The following FLRT2 variants were observed in gnomAD, a reference collection of about 807,000 sequenced individuals.
FLRT2 encodes fibronectin leucine rich transmembrane protein 2, also known as leucine-rich repeat transmembrane protein FLRT2.
Under a neutral mutation model 40.0 loss-of-function variants are expected in FLRT2, and 15 were observed. The ratio of observed to expected loss-of-function variants is 0.38; its 90% CI spans 0.25 to 0.58. The LOEUF (loss-of-function observed/expected upper bound fraction) is 0.58. Among genes scored for constraint, FLRT2 ranks in the 20% least tolerant of loss-of-function variants. The pLI is 0.71. For synonymous variants in FLRT2, 380 were observed against 336.8 expected (o/e 1.13, Z -1.41); for missense variants, 726 against 840.0 (o/e 0.86, Z 1.68).
intron 1 of FLRT2, among the ~76,000 whole-genome samples, chr14:85,531,950 G>C (rs1888311517): frequency 6.6e-6 from 1 of 152,222 alleles, no homozygotes; most frequent in African/African-American, 2.4e-5. Context: ...GCGTGGCTTG[G>C]GAGGCAAATC....
At chr14:85,531,831 C>G (rs1166837690) in intron 1 of FLRT2, among the ~76,000 whole-genome samples, 1 of 152,172 alleles carries the variant, frequency 6.6e-6, no homozygotes, top group Non-Finnish European at 1.5e-5. Context: ...GCAACAGGAA[C>G]AGCGACCCGC....
chr14:85,562,399 A>G (rs929924787), intron 1 of FLRT2, among the ~76,000 whole-genome samples: 5 of 152,190 alleles, frequency 3.3e-5, no homozygotes, highest in Non-Finnish European at 5.9e-5. Flanking sequence ...CCGTGTTTCA[A>G]TGCAATCTCT....
chr14:85,623,283 A>T lies in FLRT2; in HGVS notation c.1769A>T (p.Glu590Val). 6.6e-7 allele frequency: 1 copy of T among 1,517,334 alleles called. No individual in the cohort carries two copies. The highest frequency in any genetic ancestry group is 1.3e-5 in the South Asian group (1 of 74,868). The allele number at this position is 1,517,334 out of a possible 1,614,324, so 94.0% of individuals were successfully genotyped here. Residue 590 changes from glutamate to valine, a missense_variant, in exon 2 of 2, where the codon GAG becomes GTG. By Grantham distance (121) the Glu-to-Val change is moderately radical. Around this residue, in one of 3 missense-constraint regions of FLRT2, gnomAD observed 611 missense variants for 690.0 expected, o/e 0.89. Transcript: ENST00000330753. The stretch of plus-strand genomic sequence containing the variant: ...GGCCGGCGGAAAGATGATTATTGCG[A>T]GGCAGGCACCAAGAAGGACAACTCC... ...NRGRRKDDYC[E>V]AGTKKDNSIL...
chr14:85,537,407 CTAT>C (rs1409456562), intron 1 of FLRT2, among the ~76,000 whole-genome samples: 1 of 151,970 alleles, frequency 6.6e-6, no homozygotes, highest in East Asian at 1.9e-4. Context: ...TTAAGACTAG[CTAT>C]TATTATTATT....
At position 85,645,316 on chromosome 14, in the gene FLRT2, A is replaced by G. The variant is rs1418038754; in HGVS notation, c.*21819A>G. On this transcript the variant is annotated 3_prime_UTR_variant, in exon 2 of 2. Transcript: ENST00000330753. ...TATGTATATAGAAGTATATATACACATATAAATGTGTGCGTGTATATATAT... is the reference window on the plus strand; with the variant it reads ...TATGTATATAGAAGTATATATACACGTATAAATGTGTGCGTGTATATATAT... 6.6e-6 allele frequency: 1 copy of G among 151,770 alleles called. No individual in the cohort carries two copies. The allele number at this position is 151,770 out of a possible 1,614,324, so 9.4% of individuals were successfully genotyped here.
chr14:85,567,202 A>G (rs970853540), intron 1 of FLRT2, among the ~76,000 whole-genome samples: 1 of 152,162 alleles, frequency 6.6e-6, no homozygotes, highest in Non-Finnish European at 1.5e-5. Context: ...CACATTTGAC[A>G]TGTCCCCCTC....
At chr14:85,618,645 A>C (rs893477090) in intron 1 of FLRT2, among the ~76,000 whole-genome samples, 1 of 152,226 alleles carries the variant, frequency 6.6e-6, no homozygotes, top group Non-Finnish European at 1.5e-5. Context: ...TCCCGGGGAC[A>C]AAAGTGATTA....
intron 1 of FLRT2, among the ~76,000 whole-genome samples, chr14:85,611,984 G>A (rs1408591712): frequency 7.4e-6 from 1 of 134,410 alleles, no homozygotes; most frequent in Non-Finnish European, 1.5e-5. Flanking sequence ...CCTTTCAGCT[G>A]TGTTGCCTCC....
intron 1 of FLRT2, among the ~76,000 whole-genome samples, chr14:85,556,755 A>C (rs1046896364): frequency 6.6e-6 from 1 of 152,234 alleles, no homozygotes; most frequent in Admixed American, 6.5e-5. Flanking sequence ...TATACACAAT[A>C]AGTATTAACT....
At chr14:85,565,942 T>C (rs1370329554) in intron 1 of FLRT2, among the ~76,000 whole-genome samples, 1 of 152,118 alleles carries the variant, frequency 6.6e-6, no homozygotes, top group Non-Finnish European at 1.5e-5. Flanking sequence ...ATGATTTCAG[T>C]AGAGGATGAA....
intron 1 of FLRT2, among the ~76,000 whole-genome samples, chr14:85,574,172 A>G (rs1031343560): frequency 6.6e-6 from 1 of 152,106 alleles, no homozygotes; most frequent in African/African-American, 2.4e-5. Context: ...CCCCATGACT[A>G]TTTCATTATT....
At chr14:85,593,477 T>TATTCGATAA (rs1555369141) in intron 1 of FLRT2, among the ~76,000 whole-genome samples, 1 of 151,574 alleles carries the variant, frequency 6.6e-6, no homozygotes, top group Non-Finnish European at 1.5e-5. Flanking sequence ...GAAACTCTGT[T>TATTCGATAA]GATTGAAAAT....
At chr14:85,547,443 C>T (rs1889344742) in intron 1 of FLRT2, among the ~76,000 whole-genome samples, 1 of 151,720 alleles carries the variant, frequency 6.6e-6, no homozygotes, top group Admixed American at 6.6e-5. Flanking sequence ...CCTGCCTCAG[C>T]TTCCCGAGTA....
chr14:85,531,206 G>A (rs1199161318), intron 1 of FLRT2: 6 of 152,324 alleles, frequency 3.9e-5, no homozygotes, highest in African/African-American at 1.4e-4. Flanking sequence ...GAGCATACGA[G>A]GCGGAATCCG....
chr14:85,621,655 C>G lies in FLRT2; in HGVS notation c.141C>G (p.Val47=), dbSNP rs1357101086. The change falls in exon 2 of 2, where the codon GTC becomes GTG. Residue 47 remains valine (V), a synonymous_variant. Coordinates refer to ENST00000330753, the MANE Select transcript of FLRT2 (RefSeq NM_013231.6). ...PSVCRCDRNF[V]YCNERSLTSV... ...TGTGCCGCTGCGACAGGAACTTTGTCTACTGTAATGAGCGAAGCTTGACCT... is the reference window on the plus strand; with the variant it reads ...TGTGCCGCTGCGACAGGAACTTTGTGTACTGTAATGAGCGAAGCTTGACCT... 4 of 1,614,112 alleles carry G rather than the reference C, an allele frequency of 2.5e-6. No homozygotes were observed. Among genetic ancestry groups the G allele is most frequent in the African/African-American group, 1.3e-5 (1 of 75,008 alleles).
rs745567812 is a variant in FLRT2 at position 85,623,210 on chromosome 14, A to C, written c.1696A>C (p.Met566Leu). Reference sequence around the variant, plus strand: ...CTTGCTCAGCGTCTTTTGCTGGCATATGCACAAAAAGGGGCGCTACACCTC... The same window carrying C: ...CTTGCTCAGCGTCTTTTGCTGGCATCTGCACAAAAAGGGGCGCTACACCTC... ...VVLLSVFCWH[M>L]HKKGRYTSQK... is the part of the protein sequence containing the mutation. Residue 566 changes from methionine to leucine, a missense_variant, in exon 2 of 2, where the codon ATG (methionine) becomes CTG (leucine). Met to Leu is a conservative substitution (Grantham distance 15). Around this residue, in one of 3 missense-constraint regions of FLRT2, gnomAD observed 611 missense variants for 690.0 expected, o/e 0.89. Coordinates refer to ENST00000330753, the MANE Select transcript of FLRT2 (RefSeq NM_013231.6). 2.6e-6 allele frequency: 4 copies of C among 1,536,618 alleles called. No homozygotes were observed. The Admixed American group carries it at 8.3e-5, about 32-fold the overall frequency.
chr14:85,599,944 AGTT>A (rs10541888), intron 1 of FLRT2, among the ~76,000 whole-genome samples: 45,282 of 151,812 alleles, frequency 0.3, 7,440 homozygotes, highest in Non-Finnish European at 0.37. Context: ...TAGAAATAAA[AGTT>A]GTTAATAGGA....
intron 1 of FLRT2, among the ~76,000 whole-genome samples, chr14:85,538,409 ACT>A (rs1460807024): frequency 1.3e-5 from 2 of 152,096 alleles, no homozygotes; most frequent in Admixed American, 6.6e-5. Flanking sequence ...TCACAAAGTA[ACT>A]CTCTGGAGCT....
chr14:85,644,476 T>A lies in FLRT2; in HGVS notation c.*20979T>A, dbSNP rs1196416559. 6.6e-6 allele frequency: 1 copy of A among 152,106 alleles called. No individual in the cohort carries two copies. The allele number at this position is 152,106 out of a possible 1,614,324, so 9.4% of individuals were successfully genotyped here. On this transcript the variant is annotated 3_prime_UTR_variant, in exon 2 of 2. Transcript: ENST00000330753. ...GCTTAATAACATCATGTGACTGAAG[T>A]GGAAGAACTGGAAGGAAAAGATAAC...
Sources: gnomAD v4.1 joint callset for allele counts (sites outside exome capture counted in the v4.1 genomes callset) on GRCh38, gnomAD v4.1.1 for gene constraint, gnomAD v4.1.1 regional missense constraint, MANE v1.5 for transcripts, NCBI Gene and HGNC (gene_info 2026-07-23, HGNC 2026-07-21) for gene names.